The following AKAP7 variants were observed in gnomAD, a reference collection of about 807,000 sequenced individuals.
AKAP7 encodes the protein A-kinase anchoring protein 7, also known as A kinase (PRKA) anchor protein 7.
A neutral mutation model predicts 39.5 loss-of-function variants in AKAP7; 39 were observed. That is an observed-to-expected ratio of 0.99 (90% CI 0.76 to 1.29). The LOEUF is 1.29. Ranked by LOEUF, AKAP7 falls within the 50% of genes most tolerant of loss-of-function variation. AKAP7 has a pLI of 0.00. For synonymous variants in AKAP7, 140 were observed against 139.1 expected (o/e 1.01, Z -0.05); for missense variants, 414 against 407.7 (o/e 1.02, Z -0.13).
At chr6:131,187,690 A>G (rs1002631608) in intron 5 of AKAP7, among the ~76,000 whole-genome samples, 6 of 152,214 alleles carry the variant, frequency 3.9e-5, no homozygotes, top group Non-Finnish European at 7.3e-5. Flanking sequence ...TTCAATAAAT[A>G]TATTTTAATA....
intron 7 of AKAP7, among the ~76,000 whole-genome samples, chr6:131,276,970 C>T (rs767284772): frequency 1.3e-5 from 2 of 152,144 alleles, no homozygotes; most frequent in South Asian, 2.1e-4. Flanking sequence ...CTTCAGTTTT[C>T]GCAGTAGGTG....
intron 2 of AKAP7, among the ~76,000 whole-genome samples, chr6:131,157,883 A>G (rs1370863297): frequency 1.3e-5 from 2 of 152,190 alleles, no homozygotes; most frequent in African/African-American, 4.8e-5. Context: ...CACACCAGAT[A>G]AGTTTGCCTT....
chr6:131,176,862 TGGCTTG>T (rs1562186175), intron 5 of AKAP7, among the ~76,000 whole-genome samples: 1 of 152,136 alleles, frequency 6.6e-6, no homozygotes, highest in Non-Finnish European at 1.5e-5. Context: ...GTTCCCCTAA[TGGCTTG>T]GGCTACGCTT....
the AKAP7 span, among the ~76,000 whole-genome samples, chr6:131,129,553 T>C: frequency 2.0e-5 from 3 of 152,162 alleles, no homozygotes; most frequent in Non-Finnish European, 4.4e-5. Flanking sequence ...TAAAACAACA[T>C]GTTACTTACA....
Position 131,229,805 on chromosome 6 carries a change from C to G in AKAP7, c.850+9997C>G, listed in dbSNP as rs576834208. ...ATTGCCTTCAAGATGCTGAACTTTC[C>G]ATTACTCCTCAAAGTGTCCTTATGT... On this transcript the variant is annotated intron_variant, in intron 7 of 7. Transcript: ENST00000431975. 2.0e-5 allele frequency among the ~76,000 whole-genome samples: 3 copies of G among 152,292 alleles called. No individual in the cohort carries two copies. In the East Asian group the frequency reaches 5.8e-4, roughly 29 times the overall value.
At chr6:131,132,065 C>T (rs1404846318), upstream of AKAP7, among the ~76,000 whole-genome samples, 1 of 152,122 alleles carries the variant, frequency 6.6e-6, no homozygotes, top group Non-Finnish European at 1.5e-5. Context: ...GTAATCCCAG[C>T]ACTTTGGGAG....
chr6:131,280,973 A>T (rs1248063595), intron 7 of AKAP7, among the ~76,000 whole-genome samples: 1 of 152,098 alleles, frequency 6.6e-6, no homozygotes, highest in African/African-American at 2.4e-5. Context: ...GATTAAAAAA[A>T]ATATTAGTCT....
chr6:131,131,013 A>C (rs537106459), upstream of AKAP7, among the ~76,000 whole-genome samples: 149 of 152,376 alleles, frequency 9.8e-4, 1 homozygote, highest in African/African-American at 3.6e-3. Context: ...TTTTAGCCTT[A>C]AGCTGGAGAA....
intron 7 of AKAP7, among the ~76,000 whole-genome samples, chr6:131,256,981 T>A (rs1316251095): frequency 1.3e-5 from 2 of 151,488 alleles, no homozygotes; most frequent in South Asian, 2.1e-4. Flanking sequence ...TCAATGTCTA[T>A]ATGGTAGAAA....
At chr6:131,258,633 A>G (rs892640167) in intron 7 of AKAP7, among the ~76,000 whole-genome samples, 1 of 152,250 alleles carries the variant, frequency 6.6e-6, no homozygotes, top group Admixed American at 6.5e-5. Context: ...GTTGCATGGT[A>G]AAGTTCTTTG....
chr6:131,170,449 C>T (rs1803942059), intron 5 of AKAP7, among the ~76,000 whole-genome samples: 1 of 152,140 alleles, frequency 6.6e-6, no homozygotes, highest in Non-Finnish European at 1.5e-5. Flanking sequence ...ATTGTCCTTT[C>T]AGTAATGCAT....
intron 7 of AKAP7, among the ~76,000 whole-genome samples, chr6:131,229,063 T>TAA (rs149430086): frequency 0.012 from 1,899 of 152,318 alleles, 37 homozygotes; most frequent in African/African-American, 0.041. Context: ...TTTGCATGAT[T>TAA]ATTTAAGCTG....
chr6:131,223,573 A>G (rs1230076350), intron 7 of AKAP7, among the ~76,000 whole-genome samples: 3 of 152,218 alleles, frequency 2.0e-5, no homozygotes, highest in Admixed American at 2.0e-4. Flanking sequence ...GCTGTCTTCC[A>G]TCCAAGTTTT....
chr6:131,203,206 G>C (rs565626396), intron 6 of AKAP7, among the ~76,000 whole-genome samples: 2 of 152,222 alleles, frequency 1.3e-5, no homozygotes, highest in African/African-American at 4.8e-5. Flanking sequence ...TTCGTGGTTT[G>C]GTATGTAGAT....
At chr6:131,159,214 C>T (rs1402001408) in intron 2 of AKAP7, among the ~76,000 whole-genome samples, 3 of 152,148 alleles carry the variant, frequency 2.0e-5, no homozygotes, top group African/African-American at 7.2e-5. Context: ...CTGCCTCAGC[C>T]TCCTGAGGAG....
chr6:131,233,953 G>A (rs1810829897), intron 7 of AKAP7, among the ~76,000 whole-genome samples: 3 of 152,134 alleles, frequency 2.0e-5, no homozygotes, highest in African/African-American at 7.2e-5. Context: ...CAATTCAGTT[G>A]CACCCTTTAT....
At position 131,283,272 on chromosome 6, in the gene AKAP7, A is replaced by C. The variant is rs1228029288; in HGVS notation, c.*1546A>C. 1 of 152,614 alleles carries C rather than the reference A, an allele frequency of 6.6e-6. No homozygotes were observed. Among genetic ancestry groups the C allele is most frequent in the Non-Finnish European group, 1.5e-5 (1 of 68,046 alleles). The allele number at this position is 152,614 out of a possible 1,614,324, so 9.5% of individuals were successfully genotyped here. A position where few individuals can be genotyped will look rare whatever the true frequency, so the allele number is the denominator to read the frequency against. On this transcript the variant is annotated 3_prime_UTR_variant, in exon 8 of 8. Transcript: ENST00000431975. ...TCCCTTGCCATCTGAACTTGTTTGC[A>C]CTGCTTCTGTTTGAAAGAGCATCTT...
chr6:131,169,302 C>A, intron 5 of AKAP7, 29 bp downstream of exon 5: 1 of 1,606,030 alleles, frequency 6.2e-7, no homozygotes, highest in Middle Eastern at 1.7e-4. Flanking sequence ...CATATGAAAT[C>A]TTGTCTGTTG....
At chr6:131,166,324 A>G (rs554000236) in intron 4 of AKAP7, among the ~76,000 whole-genome samples, 1 of 152,212 alleles carries the variant, frequency 6.6e-6, no homozygotes, top group East Asian at 1.9e-4. Context: ...TCCAAAGAAG[A>G]TACTACGCAA....
Sources: gnomAD v4.1 joint callset for allele counts (sites outside exome capture counted in the v4.1 genomes callset) on GRCh38, gnomAD v4.1.1 for gene constraint, MANE v1.5 for transcripts, NCBI Gene and HGNC (gene_info 2026-07-23, HGNC 2026-07-21) for gene names.